The following FAM210A variants were observed in gnomAD, a reference collection of about 807,000 sequenced individuals.
FAM210A encodes the protein family with sequence similarity 210 member A.
A neutral mutation model predicts 25.3 loss-of-function variants in FAM210A; 13 were observed. The observed-to-expected ratio is 0.51, with a 90% CI of 0.33 to 0.82. The LOEUF is 0.82. Ranked by LOEUF, FAM210A falls within the 40% of genes least tolerant of loss-of-function variation. The pLI, the probability that FAM210A is intolerant of heterozygous loss-of-function variation, is 0.02. For synonymous variants in FAM210A, 125 were observed against 118.7 expected, an observed-to-expected ratio of 1.05 and a Z score of -0.35; for missense variants, 319 against 323.2, an observed-to-expected ratio of 0.99 and a Z score of 0.10.
chr18:13,699,874 C>T (rs2043724635), intron 1 of FAM210A, among the ~76,000 whole-genome samples: 1 of 152,100 alleles, frequency 6.6e-6, no homozygotes, highest in Admixed American at 6.5e-5. Flanking sequence ...CATATTCTTC[C>T]TTCATCTAAA....
At chr18:13,677,144 G>A (rs1016313187) in intron 2 of FAM210A, among the ~76,000 whole-genome samples, 3 of 150,760 alleles carry the variant, frequency 2.0e-5, no homozygotes, top group African/African-American at 7.3e-5. Flanking sequence ...GCGCAATCTC[G>A]GCTTACTGCA....
At chr18:13,694,571 C>T in intron 1 of FAM210A, among the ~76,000 whole-genome samples, 1 of 152,314 alleles carries the variant, frequency 6.6e-6, no homozygotes, top group East Asian at 1.9e-4. Flanking sequence ...CACATATCTA[C>T]AACCACCTGA....
intron 1 of FAM210A, among the ~76,000 whole-genome samples, chr18:13,701,417 T>C (rs887177999): frequency 1.2e-4 from 18 of 152,318 alleles, no homozygotes; most frequent in East Asian, 1.2e-3. Context: ...AAGAAACTGA[T>C]AGTAAATGGT....
At chr18:13,688,375 GA>G (rs2043615069) in intron 1 of FAM210A, among the ~76,000 whole-genome samples, 1 of 152,210 alleles carries the variant, frequency 6.6e-6, no homozygotes, top group Non-Finnish European at 1.5e-5. Context: ...ACAGAGGGGA[GA>G]AGTGGCTGGA....
At chr18:13,667,135 T>C (rs1417004573) in intron 3 of FAM210A, among the ~76,000 whole-genome samples, 3 of 152,240 alleles carry the variant, frequency 2.0e-5, no homozygotes, top group African/African-American at 7.2e-5. Context: ...TGTCTTCAAA[T>C]GGTGAGAGGC....
chr18:13,706,651 T>C (rs1305945560), intron 1 of FAM210A, among the ~76,000 whole-genome samples: 5 of 152,234 alleles, frequency 3.3e-5, no homozygotes. Flanking sequence ...GAGGGAATGA[T>C]TTAAAATGTG....
Position 13,702,355 on chromosome 18 carries a change from C to CAT in FAM210A, c.-28-20252_-28-20251dup, listed in dbSNP as rs769587937. Among the ~76,000 whole-genome samples the CAT allele has an allele frequency of 8.5e-5, 13 of 152,344 alleles. No individual in the cohort carries two copies. The South Asian group carries it at 2.7e-3, about 32-fold the overall frequency. ...GCTATGTCTTCCTGTATCCTTCTGT[C>CAT]ATAAAGACAGCTAACTTAGAACAGA... is the stretch of plus-strand genomic sequence containing the variant. On this transcript the variant is annotated intron_variant, in intron 1 of 3. Coordinates refer to ENST00000651643, the MANE Select transcript of FAM210A (RefSeq NM_152352.4).
intron 1 of FAM210A, among the ~76,000 whole-genome samples, chr18:13,700,316 G>A (rs1451308598): frequency 6.6e-6 from 1 of 152,244 alleles, no homozygotes; most frequent in Non-Finnish European, 1.5e-5. Context: ...GACCTGACCA[G>A]GATGCATGCA....
intron 1 of FAM210A, chr18:13,710,448 T>C (rs1437146268): frequency 1.3e-5 from 2 of 152,274 alleles, no homozygotes; most frequent in African/African-American, 4.8e-5. Flanking sequence ...CCTCTCAGAG[T>C]GCCGGGATTA....
chr18:13,721,370 C>T (rs2043896329), intron 1 of FAM210A, among the ~76,000 whole-genome samples: 1 of 152,122 alleles, frequency 6.6e-6, no homozygotes, highest in East Asian at 1.9e-4. Flanking sequence ...TGCAATTAGT[C>T]ACTACTCAGT....
chr18:13,681,551 A>T, intron 2 of FAM210A, 54 bp downstream of exon 2: 1 of 1,375,532 alleles, frequency 7.3e-7, no homozygotes, highest in South Asian at 1.4e-5. Flanking sequence ...TACAATTAAA[A>T]AGATTAATAT....
At chr18:13,670,970 T>C (rs2043436864) in intron 3 of FAM210A, 1 of 152,944 alleles carries the variant, frequency 6.5e-6, no homozygotes. Context: ...TACTCCAGCC[T>C]GGGAAACAAG....
chr18:13,676,964 G>A (rs759896280), intron 2 of FAM210A, among the ~76,000 whole-genome samples: 11 of 152,092 alleles, frequency 7.2e-5, no homozygotes, highest in Non-Finnish European at 1.6e-4. Flanking sequence ...ACAAAACCCC[G>A]CAGACACTGA....
Position 13,681,751 on chromosome 18 carries a change from C to CT in FAM210A, c.326dup (p.Glu110GlyfsTer4), listed in dbSNP as rs764961799. On this transcript the variant is annotated frameshift_variant, in exon 2 of 4. Coordinates refer to ENST00000651643, the MANE Select transcript of FAM210A (RefSeq NM_152352.4). LOFTEE classifies it high-confidence loss of function. ...TGTCTTGCAAAGGATCAGGCTCTTC[C>CT]TTTTTTTCCGGAGTTCCCTGAGCTG... 2 of 1,614,110 alleles carry CT rather than the reference C, an allele frequency of 1.2e-6. No homozygotes were observed. The highest frequency in any genetic ancestry group is 8.5e-7 in the Non-Finnish European group (1 of 1,180,018).
At chr18:13,692,720 C>G (rs1310837077) in intron 1 of FAM210A, among the ~76,000 whole-genome samples, 1 of 152,116 alleles carries the variant, frequency 6.6e-6, no homozygotes, top group Non-Finnish European at 1.5e-5. Flanking sequence ...ACACAACATA[C>G]CAGAATCTCT....
intron 1 of FAM210A, among the ~76,000 whole-genome samples, chr18:13,712,579 T>C (rs2043830148): frequency 1.3e-5 from 2 of 152,064 alleles, no homozygotes; most frequent in South Asian, 4.1e-4. Flanking sequence ...AATAGCGACC[T>C]TATAAAAAGA....
chr18:13,683,028 TGCTTTGGG>T (rs1279245777), intron 1 of FAM210A, among the ~76,000 whole-genome samples: 1 of 152,182 alleles, frequency 6.6e-6, no homozygotes, highest in African/African-American at 2.4e-5. Flanking sequence ...TGGGTTCTGA[TGCTTTGGG>T]GATATAATTC....
chr18:13,684,576 T>C (rs1158802261), intron 1 of FAM210A, among the ~76,000 whole-genome samples: 2 of 151,916 alleles, frequency 1.3e-5, no homozygotes, highest in Admixed American at 6.6e-5. Context: ...AGGTGAAAAC[T>C]ACAGAACAGA....
intron 2 of FAM210A, among the ~76,000 whole-genome samples, chr18:13,676,898 A>G (rs767686243): frequency 1.3e-5 from 2 of 152,110 alleles, no homozygotes; most frequent in Non-Finnish European, 2.9e-5. Flanking sequence ...GCACATCACA[A>G]CAAGGGACAC....
Sources: allele counts gnomAD v4.1 joint callset (sites outside exome capture counted in the v4.1 genomes callset), GRCh38; gene constraint gnomAD v4.1.1; transcripts MANE v1.5; gene names NCBI Gene and HGNC (gene_info 2026-07-23, HGNC 2026-07-21).